CENPM: variants seen among roughly 807,000 people sequenced by gnomAD.
CENPM encodes the protein interphase centromere complex protein 39.
CENPM carries 14 observed loss-of-function variants against 19.6 expected under a neutral mutation model. The ratio of observed to expected loss-of-function variants is 0.71; its 90% CI spans 0.47 to 1.11. CENPM has a LOEUF of 1.11. Ranked by LOEUF, CENPM falls within the 50% of genes most tolerant of loss-of-function variation. The pLI is 0.00. For synonymous variants in CENPM, 114 were observed against 101.5 expected (o/e 1.12, Z -0.74); for missense variants, 239 against 228.4 (o/e 1.05, Z -0.30).
downstream of CENPM, among the ~76,000 whole-genome samples, chr22:41,934,490 A>T (rs1173352638): frequency 2.6e-5 from 4 of 152,076 alleles, no homozygotes; most frequent in East Asian, 7.7e-4. Context: ...TCGCCCCCCC[A>T]TTCCCAGCCT....
rs1051637404 is a variant in CENPM, at chr22:41,947,131, C to A, written c.-55G>T. On this transcript the variant is annotated 5_prime_UTR_variant, in exon 1 of 6. Transcript: ENST00000215980. ...CGGTGCGCGCCGATCTTTCAAACCG[C>A]CCTGAGTCCAGCCCCTAGAGCGCGG... 5 of 1,576,748 alleles carry A rather than the reference C, an allele frequency of 3.2e-6. No individual in the cohort carries two copies. The highest frequency in any genetic ancestry group is 3.4e-5 in the Admixed American group (2 of 58,848).
chr22:41,930,512 T>C, the CENPM span, among the ~76,000 whole-genome samples: 17 of 151,702 alleles, frequency 1.1e-4, no homozygotes, highest in Middle Eastern at 3.4e-3. Context: ...TAATTTCTTT[T>C]CTTTTTTTTT....
At position 41,945,270 on chromosome 22, in the gene CENPM, C is replaced by T; in HGVS notation, c.265G>A (p.Asp89Asn). Reference protein sequence around the residue: ...QNTEESLRHVDASFFLGKVCF... With the variant: ...QNTEESLRHVNASFFLGKVCF... ...ACCTTCCCCAAGAAGAAGCTGGCAT[C>T]CACATGGCGCAGGGACTCCTCTGTG... Residue 89 changes from aspartate to asparagine, a missense_variant, in exon 4 of 6, where the codon GAT becomes AAT. Transcript: ENST00000215980. 1 of 1,613,922 alleles carries T rather than the reference C, an allele frequency of 6.2e-7. No homozygotes were observed. The highest frequency in any genetic ancestry group is 1.1e-5 in the South Asian group (1 of 91,068).
intron 5 of CENPM, chr22:41,940,067 C>T (rs2077725084): frequency 2.4e-5 from 17 of 713,456 alleles, no homozygotes; most frequent in Non-Finnish European, 3.9e-5. Flanking sequence ...TCCAGCCCCA[C>T]CATTCCTGAT....
the CENPM span, among the ~76,000 whole-genome samples, chr22:41,931,247 T>C: frequency 6.7e-6 from 1 of 148,358 alleles, no homozygotes; most frequent in Non-Finnish European, 1.5e-5. Flanking sequence ...GGCGGGTGGA[T>C]CACCAGAAGT....
downstream of CENPM, among the ~76,000 whole-genome samples, chr22:41,935,402 C>T (rs1165168205): frequency 1.3e-5 from 2 of 152,100 alleles, no homozygotes; most frequent in Admixed American, 1.3e-4. Flanking sequence ...TTCCATCAGC[C>T]CCGCCAAAGA....
At chr22:41,932,316 G>T in the CENPM span, among the ~76,000 whole-genome samples, 2 of 152,202 alleles carry the variant, frequency 1.3e-5, no homozygotes, top group Non-Finnish European at 2.9e-5. The surrounding 1 kb of genome is among the most constrained non-coding windows in gnomAD (Gnocchi z 4.3). Context: ...ATGCAGTGCC[G>T]TGGGCCTCGG....
chr22:41,945,811 C>G, intron 3 of CENPM, 102 bp downstream of exon 3: 1 of 894,364 alleles, frequency 1.1e-6, no homozygotes, highest in Non-Finnish European at 1.7e-6. Context: ...CAGCCAGCCT[C>G]TCCCATCCTC....
At chr22:41,938,140 C>CA (rs1439333165), downstream of CENPM, among the ~76,000 whole-genome samples, 6 of 110,276 alleles carry the variant, frequency 5.4e-5, no homozygotes, top group Non-Finnish European at 8.9e-5. Flanking sequence ...CCGCGCCCAG[C>CA]ATTTTTTTTT....
At chr22:41,931,760 A>T in the CENPM span, among the ~76,000 whole-genome samples, 1 of 151,880 alleles carries the variant, frequency 6.6e-6, no homozygotes, top group Admixed American at 6.6e-5. Context: ...GGGGTTGGGG[A>T]AAGTGAGAGC....
In CENPM at chr22:41,947,109, T is replaced by C. The variant is rs1183425852; in HGVS notation, c.-33A>G. 1 of 1,608,634 alleles carries C rather than the reference T, an allele frequency of 6.2e-7. No homozygotes were observed. The highest frequency in any genetic ancestry group is 1.7e-5 in the Admixed American group (1 of 59,836). The stretch of plus-strand genomic sequence containing the variant: ...GCAGGACCAACCGTTGCTCCTGCGG[T>C]GCGCGCCGATCTTTCAAACCGCCCT... On this transcript the variant is annotated 5_prime_UTR_variant, in exon 1 of 6. Coordinates refer to ENST00000215980, the MANE Select transcript of CENPM (RefSeq NM_024053.5).
At chr22:41,938,711 A>G, downstream of CENPM, 1 of 219,028 alleles carries the variant, frequency 4.6e-6, no homozygotes, top group African/African-American at 2.3e-5. Context: ...CCTCATCTAC[A>G]AAGTCAAAGT....
chr22:41,943,765 G>A, intron 4 of CENPM, 64 bp from the exon 5 acceptor site: 5 of 1,444,372 alleles, frequency 3.5e-6, no homozygotes, highest in South Asian at 2.5e-5. Context: ...TTCAGGAAGT[G>A]CTGGGCAGAG....
At chr22:41,932,130 C>T in the CENPM span, among the ~76,000 whole-genome samples, 1 of 152,330 alleles carries the variant, frequency 6.6e-6, no homozygotes, top group East Asian at 1.9e-4. This position sits in a 1 kb window ranked among gnomAD's most constrained non-coding sequence, Gnocchi z 4.3. Context: ...GGAGATGGCT[C>T]TGCTGGCTGG....
chr22:41,938,182 C>G (rs1272454370), downstream of CENPM, among the ~76,000 whole-genome samples: 1 of 142,228 alleles, frequency 7.0e-6, no homozygotes, highest in Non-Finnish European at 1.5e-5. Flanking sequence ...CGCTCTGTTG[C>G]CCAGGCTGGA....
intron 4 of CENPM, among the ~76,000 whole-genome samples, chr22:41,944,433 C>T (rs965283269): frequency 2.2e-5 from 2 of 91,988 alleles, no homozygotes; most frequent in Admixed American, 2.8e-4. Flanking sequence ...GAGACTCCGT[C>T]TCAAAAAAAA....
chr22:41,939,252 C>G (rs1160089187), intron 5 of CENPM, 56 bp from the exon 6 acceptor site: 2 of 1,534,622 alleles, frequency 1.3e-6, no homozygotes, highest in Middle Eastern at 2.0e-4. Flanking sequence ...GCTCCCTTAC[C>G]CAGAGCAGCT....
At chr22:41,938,709 A>G, downstream of CENPM, 1 of 216,674 alleles carries the variant, frequency 4.6e-6, no homozygotes, top group East Asian at 1.0e-4. Flanking sequence ...TTCCTCATCT[A>G]CAAAGTCAAA....
downstream of CENPM, among the ~76,000 whole-genome samples, chr22:41,937,855 T>C (rs898627845): frequency 2.6e-5 from 4 of 152,106 alleles, no homozygotes; most frequent in African/African-American, 9.7e-5. Context: ...CTCCTTTTTT[T>C]TTCTTTGAGA....
Sources: gnomAD v4.1 joint callset for allele counts (sites outside exome capture counted in the v4.1 genomes callset) on GRCh38, gnomAD v4.1.1 for gene constraint, Gnocchi (gnomAD v3.1) non-coding constraint, MANE v1.5 for transcripts, NCBI Gene and HGNC (gene_info 2026-07-23, HGNC 2026-07-21) for gene names.